The following SMARCAD1 variants were observed in gnomAD, a reference collection of about 807,000 sequenced individuals.
SMARCAD1 encodes SWI/SNF-related matrix-associated actin-dependent regulator of chromatin subfamily A containing DEAD/H box 1.
In SMARCAD1, 25 loss-of-function variants were observed where a neutral mutation model predicts 127.1. The observed-to-expected ratio is 0.20, with a 90% CI of 0.14 to 0.27. The LOEUF (loss-of-function observed/expected upper bound fraction) is 0.27. SMARCAD1 is among the 10% of genes least tolerant of loss of function. SMARCAD1 has a pLI of 1.00. For missense variants in SMARCAD1, 807 were observed against 1,206.0 expected (o/e 0.67, Z 4.90); for synonymous variants, 400 against 396.9 (o/e 1.01, Z -0.09).
At chr4:94,286,938 C>T (rs957813456) in intron 23 of SMARCAD1, among the ~76,000 whole-genome samples, 1 of 152,132 alleles carries the variant, frequency 6.6e-6, no homozygotes, top group Non-Finnish European at 1.5e-5. Context: ...AATCTCCGCG[C>T]ACTGCAAGCT....
At chr4:94,230,733 ACT>A (rs1177323586) in intron 3 of SMARCAD1, among the ~76,000 whole-genome samples, 2 of 152,056 alleles carry the variant, frequency 1.3e-5, no homozygotes, top group African/African-American at 4.8e-5. Flanking sequence ...TATGCTAGAA[ACT>A]CTGGCAGTAG....
Position 94,277,158 on chromosome 4 carries a change from C to T in SMARCAD1, c.2081C>T (p.Thr694Ile). ...SEIRRMFSSK[T>I]KSADEQSIYE... ...ATACGAAGAATGTTTTCCTCTAAGA[C>T]AGTAAGCATAAATGCATATTTTCTC... Residue 694 changes from threonine to isoleucine, a missense_variant and splice_region_variant, in exon 16 of 24, where the codon ACA becomes ATA. Coordinates refer to ENST00000354268, the MANE Select transcript of SMARCAD1 (RefSeq NM_020159.5). 2.5e-6 allele frequency: 4 copies of T among 1,613,898 alleles called. No individual in the cohort carries two copies. Among genetic ancestry groups the T allele is most frequent in the Non-Finnish European group, 3.4e-6 (4 of 1,179,864 alleles).
intron 10 of SMARCAD1, among the ~76,000 whole-genome samples, chr4:94,265,952 A>G (rs1751681026): frequency 6.6e-6 from 1 of 152,068 alleles, no homozygotes; most frequent in Non-Finnish European, 1.5e-5. Context: ...TAATGATCAA[A>G]GCATATTTGC....
At chr4:94,227,570 A>G (rs1357476474) in intron 3 of SMARCAD1, among the ~76,000 whole-genome samples, 3 of 152,180 alleles carry the variant, frequency 2.0e-5, no homozygotes, top group African/African-American at 7.2e-5. Flanking sequence ...GTTGGGAGAT[A>G]AAGGAGTCAA....
At chr4:94,253,128 G>A (rs1702544013) in intron 9 of SMARCAD1, 121 bp downstream of exon 9, 3 of 1,553,988 alleles carry the variant, frequency 1.9e-6, no homozygotes, top group South Asian at 1.1e-5. Context: ...CCTGTGTAAA[G>A]TCAAACATTA....
intron 3 of SMARCAD1, among the ~76,000 whole-genome samples, chr4:94,231,630 C>T (rs10014718): frequency 0.14 from 21,869 of 151,910 alleles, 1,802 homozygotes; most frequent in Non-Finnish European, 0.19. Flanking sequence ...GCATTTCTCC[C>T]CTTAATACTG....
At chr4:94,271,943 T>C (rs1256232309) in intron 11 of SMARCAD1, among the ~76,000 whole-genome samples, 2 of 152,210 alleles carry the variant, frequency 1.3e-5, no homozygotes, top group Non-Finnish European at 1.5e-5. Flanking sequence ...AGTTGATGGC[T>C]TAGTCAGCTA....
At chr4:94,284,359 A>AG (rs1649735218) in intron 22 of SMARCAD1, among the ~76,000 whole-genome samples, 1 of 149,282 alleles carries the variant, frequency 6.7e-6, no homozygotes, top group East Asian at 2.0e-4. Flanking sequence ...AAAAAGAAAA[A>AG]AGTAATTTCC....
intron 10 of SMARCAD1, among the ~76,000 whole-genome samples, chr4:94,270,328 T>G (rs559953774): frequency 2.0e-5 from 3 of 152,232 alleles, no homozygotes; most frequent in African/African-American, 7.2e-5. Flanking sequence ...GCAAATTATG[T>G]TTGTGTTTTT....
rs117627865 is a variant in SMARCAD1, at chr4:94,231,287, A to C, written c.369-2667A>C. On this transcript the variant is annotated intron_variant, in intron 3 of 23. Transcript: ENST00000354268. ...TTGGGGAGGAAGAGCTTATGAAGAG[A>C]GAAAAGATTCAGGAGAAACATAGTA... Among the ~76,000 whole-genome samples the C allele has an allele frequency of 1.1e-4, 17 of 152,276 alleles. No homozygotes were observed. In the East Asian group the frequency reaches 3.1e-3, roughly 28 times the overall value.
intron 2 of SMARCAD1, among the ~76,000 whole-genome samples, chr4:94,215,142 T>C (rs1391504862): frequency 6.6e-6 from 1 of 152,224 alleles, no homozygotes; most frequent in Non-Finnish European, 1.5e-5. Context: ...TCAGTCTTTT[T>C]GTAGGTGTCT....
chr4:94,267,878 G>A (rs1261926674), intron 10 of SMARCAD1, among the ~76,000 whole-genome samples: 5 of 152,084 alleles, frequency 3.3e-5, no homozygotes, highest in Admixed American at 6.6e-5. Flanking sequence ...ACTGTGAAGC[G>A]TCAAAATAGA....
At chr4:94,237,251 A>G (rs964944042) in intron 5 of SMARCAD1, among the ~76,000 whole-genome samples, 14 of 151,854 alleles carry the variant, frequency 9.2e-5, no homozygotes, top group Non-Finnish European at 1.8e-4. Flanking sequence ...TGTAGGATAT[A>G]TTTTCTCTCT....
intron 4 of SMARCAD1, among the ~76,000 whole-genome samples, chr4:94,234,664 C>T (rs1389420303): frequency 6.6e-6 from 1 of 152,046 alleles, no homozygotes; most frequent in Non-Finnish European, 1.5e-5. Context: ...AAAAATTGAC[C>T]AATTTAGTTT....
In SMARCAD1 at chr4:94,226,061, A is replaced by G. The variant is rs903109584; in HGVS notation, c.191-58A>G. The G allele has an allele frequency of 4.1e-5, 57 of 1,376,740 alleles. No individual in the cohort carries two copies. In the Admixed American group the frequency reaches 9.5e-4, roughly 23 times the overall value. The allele number at this position is 1,376,740 out of a possible 1,614,324, so 85.3% of individuals were successfully genotyped here. On this transcript the variant is annotated intron_variant, in intron 2 of 23. Coordinates refer to ENST00000354268, the MANE Select transcript of SMARCAD1 (RefSeq NM_020159.5). ...AGATTTTAGCACATGATTATAACTAACAACAGATTCGTTTTCCAGTTGCTC... is the reference window on the plus strand; with the variant it reads ...AGATTTTAGCACATGATTATAACTAGCAACAGATTCGTTTTCCAGTTGCTC...
chr4:94,273,810 TG>T (rs1290349288), intron 12 of SMARCAD1, 94 bp downstream of exon 12: 1 of 970,198 alleles, frequency 1.0e-6, no homozygotes, highest in African/African-American at 1.6e-5. Flanking sequence ...AGGGGTGTTG[TG>T]GTTTCTTAGT....
chr4:94,250,907 A>G (rs1749182990), intron 8 of SMARCAD1, 74 bp downstream of exon 8: 1 of 1,198,034 alleles, frequency 8.3e-7, no homozygotes, highest in Non-Finnish European at 1.2e-6. Context: ...AAAATGGTAT[A>G]TAAGAAAAGC....
At chr4:94,273,859 CTT>C (rs1752888591) in intron 12 of SMARCAD1, 143 bp downstream of exon 12, 1 of 673,870 alleles carries the variant, frequency 1.5e-6, no homozygotes, top group African/African-American at 1.8e-5. Context: ...TCTCTTTATA[CTT>C]TTCTCCTTTG....
At chr4:94,259,908 T>G (rs1159742066) in intron 9 of SMARCAD1, among the ~76,000 whole-genome samples, 2 of 152,242 alleles carry the variant, frequency 1.3e-5, no homozygotes, top group African/African-American at 4.8e-5. Flanking sequence ...TTTCCAGTTG[T>G]CTCATAAATG....
Sources: allele counts gnomAD v4.1 joint callset (sites outside exome capture counted in the v4.1 genomes callset), GRCh38; gene constraint gnomAD v4.1.1; transcripts MANE v1.5; gene names NCBI Gene and HGNC (gene_info 2026-07-23, HGNC 2026-07-21).